CELF5: variants seen among roughly 807,000 people sequenced by gnomAD.
The protein encoded by CELF5 is CUGBP Elav-like family member 5, also known as CUG-BP and ETR-3 like factor 5.
A neutral mutation model predicts 54.9 loss-of-function variants in CELF5; 6 were observed. The ratio of observed to expected loss-of-function variants is 0.11; its 90% confidence interval spans 0.06 to 0.22. CELF5 has a LOEUF of 0.22. Among genes scored for constraint, CELF5 ranks in the 10% least tolerant of loss-of-function variants. The pLI is 1.00. For missense variants in CELF5, 401 were observed against 678.6 expected (o/e 0.59, Z 4.54); for synonymous variants, 271 against 290.9 (o/e 0.93, Z 0.70).
chr19:3,236,823 A>G (rs1436443113), intron 1 of CELF5, among the ~76,000 whole-genome samples: 31 of 151,448 alleles, frequency 2.0e-4, no homozygotes. Flanking sequence ...ATCTCTACTA[A>G]AAATACAAAA....
At chr19:3,245,296 C>T (rs1434324499) in intron 1 of CELF5, among the ~76,000 whole-genome samples, 1 of 128,500 alleles carries the variant, frequency 7.8e-6, no homozygotes. Flanking sequence ...TGTGTGTTTG[C>T]ATCTGTGTGT....
intron 1 of CELF5, among the ~76,000 whole-genome samples, chr19:3,240,084 C>T (rs1268616493): frequency 6.6e-6 from 1 of 151,832 alleles, no homozygotes. Context: ...TCTCGGCTCA[C>T]TGCAAACTTT....
At chr19:3,232,929 C>T (rs1167087794) in intron 1 of CELF5, among the ~76,000 whole-genome samples, 1 of 151,934 alleles carries the variant, frequency 6.6e-6, no homozygotes, top group East Asian at 1.9e-4. Context: ...ACAAAATTAG[C>T]CGGGTGTGGT....
At chr19:3,251,672 T>TTGTTG (rs1555720290) in intron 2 of CELF5, among the ~76,000 whole-genome samples, 5 of 121,302 alleles carry the variant, frequency 4.1e-5, no homozygotes, top group African/African-American at 1.2e-4. Context: ...TTTTTTTTTT[T>TTGTTG]TTGTTGTTGT....
chr19:3,242,830 G>A (rs1365695303), intron 1 of CELF5, among the ~76,000 whole-genome samples: 1 of 152,014 alleles, frequency 6.6e-6, no homozygotes. Flanking sequence ...TGGGCTTGGT[G>A]GCAGGTACCT....
chr19:3,286,018 G>T lies in CELF5; in HGVS notation c.1179G>T (p.Gln393His), dbSNP rs888172455. The T allele has an allele frequency of 2.5e-6, 4 of 1,580,306 alleles. No individual in the cohort carries two copies. Among genetic ancestry groups the T allele is most frequent in the Non-Finnish European group, 3.4e-6 (4 of 1,171,736 alleles). Residue 393 changes from glutamine to histidine, a missense_variant, in exon 10 of 13, where the codon CAG (glutamine) becomes CAT (histidine). By Grantham distance (24) the Gln-to-His change is conservative. Transcript: ENST00000292672. The part of the protein sequence containing the change: ...PQPPPLLQQQ[Q>H]REGPEGCNLF... Reference sequence around the variant, plus strand: ...CGCCGCCCCTCCTGCAGCAGCAGCAGCGAGAAGGTGAGGCGGCCGCAACCT... The same window carrying T: ...CGCCGCCCCTCCTGCAGCAGCAGCATCGAGAAGGTGAGGCGGCCGCAACCT...
In CELF5 at chr19:3,225,294, C is replaced by T. The variant is rs958930618; in HGVS notation, c.259+296C>T. Among the ~76,000 whole-genome samples the T allele has an allele frequency of 7.2e-5, 8 of 111,666 alleles. No homozygotes were observed. The East Asian group carries it at 2.3e-3, about 32-fold the overall frequency. The allele number at this position is 111,666 out of a possible 152,430, so 73.3% of individuals were successfully genotyped here. A position where few individuals can be genotyped will look rare whatever the true frequency, so the allele number is the denominator to read the frequency against. On this transcript the variant is annotated intron_variant, in intron 1 of 12. Coordinates refer to ENST00000292672, the MANE Select transcript of CELF5 (RefSeq NM_021938.4). The stretch of plus-strand genomic sequence containing the variant: ...TCTCTCCCTCTCTCTCTCCCTTTCT[C>T]TTCTCTCCCATCTCCCTCGACCTCT...
At position 3,288,436 on chromosome 19, in the gene CELF5, C is replaced by G. The variant is rs569659571; in HGVS notation, c.1187-1795C>G. 9.9e-5 allele frequency among the ~76,000 whole-genome samples: 15 copies of G among 152,136 alleles called. No individual in the cohort carries two copies. The East Asian group carries it at 2.7e-3, about 27-fold the overall frequency. ...ACTCAGGAGGCTGAGGCAGGAGAAT[C>G]TCTTGAACCTGGGAAGCAGAGGTTG... is the stretch of plus-strand genomic sequence containing the variant. On this transcript the variant is annotated intron_variant, in intron 10 of 12. Transcript: ENST00000292672.
At chr19:3,226,984 C>T (rs550758587) in intron 1 of CELF5, among the ~76,000 whole-genome samples, 15 of 152,098 alleles carry the variant, frequency 9.9e-5, no homozygotes, top group African/African-American at 3.1e-4. Context: ...TTCCCATTTG[C>T]GGGCTTTCCT....
At position 3,281,334 on chromosome 19, in the gene CELF5, T is replaced by G. The variant is rs2080148007; in HGVS notation, c.739T>G (p.Tyr247Asp). Residue 247 changes from tyrosine to aspartate, a missense_variant, in exon 6 of 13, where the codon TAC (tyrosine) becomes GAC (aspartate). Tyr to Asp is a radical substitution (Grantham distance 160). Transcript: ENST00000292672. The surrounding 1 kb of genome is among the most constrained non-coding windows in gnomAD (Gnocchi z 6.5). ...LTLPFSPYSA[Y>D]AQALMQQQTT... Reference sequence around the variant, plus strand: ...ATTGCCCTTCAGCCCCTACAGTGCCTACGCCCAGGCTGTGAGTGACCCAGT... The same window carrying G: ...ATTGCCCTTCAGCCCCTACAGTGCCGACGCCCAGGCTGTGAGTGACCCAGT... 6.2e-7 allele frequency: 1 copy of G among 1,606,486 alleles called. No homozygotes were observed. Among genetic ancestry groups the G allele is most frequent in the African/African-American group, 1.3e-5 (1 of 74,884 alleles).
At chr19:3,286,142 G>T in intron 10 of CELF5, 117 bp downstream of exon 10, 2 of 901,406 alleles carry the variant, frequency 2.2e-6, no homozygotes, top group Non-Finnish European at 3.2e-6. Context: ...AGTGCGGCCT[G>T]GGGGCTGGAC....
chr19:3,267,756 G>C (rs570704250), intron 2 of CELF5, among the ~76,000 whole-genome samples: 1 of 152,062 alleles, frequency 6.6e-6, no homozygotes, highest in Non-Finnish European at 1.5e-5. Context: ...CTGCTCAGAC[G>C]TGGCAGCTGC....
intron 11 of CELF5, among the ~76,000 whole-genome samples, chr19:3,290,712 C>T (rs559042542): frequency 4.0e-5 from 6 of 149,316 alleles, no homozygotes; most frequent in East Asian, 3.9e-4. Flanking sequence ...TACAGGCGCC[C>T]GCCACCACAC....
chr19:3,286,138 G>C, intron 10 of CELF5, 113 bp downstream of exon 10: 1 of 936,608 alleles, frequency 1.1e-6, no homozygotes, highest in Non-Finnish European at 1.5e-6. Context: ...TGAGAGTGCG[G>C]CCTGGGGGCT....
At chr19:3,261,454 A>C (rs1782360399) in intron 2 of CELF5, among the ~76,000 whole-genome samples, 1 of 151,954 alleles carries the variant, frequency 6.6e-6, no homozygotes, top group Non-Finnish European at 1.5e-5. Context: ...CAAATCTGTG[A>C]GAGAACAATA....
chr19:3,227,126 G>C (rs1463684926), intron 1 of CELF5, among the ~76,000 whole-genome samples: 1 of 152,150 alleles, frequency 6.6e-6, no homozygotes, highest in Admixed American at 6.5e-5. Context: ...CAGTACCCTC[G>C]GGGAAGTGAA....
chr19:3,296,469 G>GAAAAAAAAAAAGAAAAAA (rs1329387351), intron 12 of CELF5: 1 of 73,710 alleles, frequency 1.4e-5, no homozygotes, highest in African/African-American at 5.1e-5. Flanking sequence ...AAAGAAAAAA[G>GAAAAAAAAAAAGAAAAAA]AAAAAAAAAT....
At chr19:3,250,849 G>T (rs1243552520) in intron 1 of CELF5, 136 bp from the exon 2 acceptor site, 10 of 635,806 alleles carry the variant, frequency 1.6e-5, no homozygotes, top group Non-Finnish European at 2.9e-5. Flanking sequence ...TTGCGTGGAT[G>T]CACCAGGTTG....
intron 2 of CELF5, among the ~76,000 whole-genome samples, chr19:3,254,444 C>CACATCCATCCAT (rs2079692095): frequency 1.3e-5 from 2 of 151,034 alleles, no homozygotes; most frequent in African/African-American, 4.9e-5. Context: ...CATCCATCTA[C>CACATCCATCCAT]GCATCCATCC....
Sources: allele counts gnomAD v4.1 joint callset (sites outside exome capture counted in the v4.1 genomes callset), GRCh38; gene constraint gnomAD v4.1.1; non-coding constraint Gnocchi (gnomAD v3.1); transcripts MANE v1.5; gene names NCBI Gene and HGNC (gene_info 2026-07-23, HGNC 2026-07-21).